Variants in MSH3 observed in about 807,000 individuals in gnomAD.
MSH3 encodes DNA mismatch repair protein Msh3.
Under a neutral mutation model 123.3 loss-of-function variants are expected in MSH3, and 106 were observed. That is an observed-to-expected ratio of 0.86 (90% CI 0.73 to 1.01). The LOEUF (loss-of-function observed/expected upper bound fraction) is 1.01. Among genes scored for constraint, MSH3 ranks in the 50% least tolerant of loss-of-function variants. The probability of loss-of-function intolerance (pLI) is 0.00; values close to 1 mark genes in which losing one functional copy is unlikely to be tolerated. For missense variants in MSH3, 1,459 were observed against 1,347.6 expected, an observed-to-expected ratio of 1.08 and a Z score of -1.29; for synonymous variants, 515 against 481.4, an observed-to-expected ratio of 1.07 and a Z score of -0.91.
chr5:80,850,222 C>T (rs140377417), intron 20 of MSH3, among the ~76,000 whole-genome samples: 238 of 152,302 alleles, frequency 1.6e-3, no homozygotes, highest in Non-Finnish European at 2.0e-3. Context: ...GCATTTTTGT[C>T]AAAGCCATTC....
Position 80,701,095 on chromosome 5 carries a change from G to A in MSH3, c.1340+22002G>A, listed in dbSNP as rs147515017. On this transcript the variant is annotated intron_variant, in intron 8 of 23. Transcript: ENST00000265081. ...TGTTATAAATGTTAATATATTAAAA[G>A]TGCTTTTAAATGATTTATTATTAGC... is the stretch of plus-strand genomic sequence containing the variant. Among the ~76,000 whole-genome samples, 419 of 152,226 alleles carry A rather than the reference G, an allele frequency of 2.8e-3. 1 individual carries two copies. Among genetic ancestry groups the A allele is most frequent in the Non-Finnish European group, 4.6e-3 (313 of 68,032 alleles).
At chr5:80,837,151 A>T (rs968594776) in intron 20 of MSH3, among the ~76,000 whole-genome samples, 1 of 152,098 alleles carries the variant, frequency 6.6e-6, no homozygotes, top group Non-Finnish European at 1.5e-5. Context: ...AATCAAAATG[A>T]CTCCATTGAT....
At chr5:80,700,196 A>G (rs904520731) in intron 8 of MSH3, among the ~76,000 whole-genome samples, 7 of 152,216 alleles carry the variant, frequency 4.6e-5, no homozygotes, top group African/African-American at 1.7e-4. Flanking sequence ...CCTGGCCAAC[A>G]TGGTGAAACC....
Position 80,769,019 on chromosome 5 carries a change from C to T in MSH3, c.2253+16C>T, listed in dbSNP as rs1744172344. Reference sequence around the variant, plus strand: ...AGGACAGGAGGTAATGTCAAGCTTACTTTTATTTTCTATTAGTTTTACTCT... The same window carrying T: ...AGGACAGGAGGTAATGTCAAGCTTATTTTTATTTTCTATTAGTTTTACTCT... On this transcript the variant is annotated intron_variant, in intron 15 of 23. Transcript: ENST00000265081. 1.9e-6 allele frequency: 3 copies of T among 1,605,502 alleles called. No individual in the cohort carries two copies. Among genetic ancestry groups the T allele is most frequent in the Admixed American group, 1.7e-5 (1 of 59,818 alleles).
chr5:80,874,391 C>G (rs1746272118), intron 23 of MSH3, among the ~76,000 whole-genome samples: 1 of 152,214 alleles, frequency 6.6e-6, no homozygotes, highest in East Asian at 1.9e-4. Flanking sequence ...TAGTGACACT[C>G]TTTTCTGGCT....
chr5:80,842,077 T>G (rs1745636393), intron 20 of MSH3, among the ~76,000 whole-genome samples: 1 of 152,214 alleles, frequency 6.6e-6, no homozygotes, highest in Non-Finnish European at 1.5e-5. Flanking sequence ...TGAGTTAATT[T>G]TTGTATAAGG....
chr5:80,706,994 C>G (rs528764970), intron 8 of MSH3, among the ~76,000 whole-genome samples: 27 of 152,280 alleles, frequency 1.8e-4, no homozygotes, highest in Non-Finnish European at 3.2e-4. Flanking sequence ...TTCATCTTCC[C>G]AAAACGTTCT....
chr5:80,856,031 C>T (rs1745913560), intron 21 of MSH3, among the ~76,000 whole-genome samples: 1 of 151,922 alleles, frequency 6.6e-6, no homozygotes, highest in Non-Finnish European at 1.5e-5. Context: ...ACTACAGGCA[C>T]ACACCAACCA....
intron 8 of MSH3, among the ~76,000 whole-genome samples, chr5:80,687,687 G>A (rs1750123813): frequency 6.6e-6 from 1 of 152,064 alleles, no homozygotes; most frequent in South Asian, 2.1e-4. Flanking sequence ...TGATTAGAGG[G>A]AACTTTCATG....
intron 2 of MSH3, among the ~76,000 whole-genome samples, chr5:80,659,259 T>A (rs1749370346): frequency 6.6e-6 from 1 of 151,246 alleles, no homozygotes; most frequent in Non-Finnish European, 1.5e-5. Flanking sequence ...GATACAGTTA[T>A]GCAATATGAT....
intron 12 of MSH3, among the ~76,000 whole-genome samples, chr5:80,749,127 G>A (rs1033425662): frequency 3.3e-5 from 5 of 152,156 alleles, no homozygotes; most frequent in Admixed American, 6.5e-5. Flanking sequence ...TAGGATAGAT[G>A]TATATAAGGA....
At chr5:80,807,966 G>A (rs1371667067) in intron 19 of MSH3, among the ~76,000 whole-genome samples, 3 of 152,040 alleles carry the variant, frequency 2.0e-5, no homozygotes, top group Non-Finnish European at 4.4e-5. Flanking sequence ...TATCAATTTT[G>A]TAATGAAATG....
chr5:80,849,457 G>T (rs1388389228), intron 20 of MSH3, among the ~76,000 whole-genome samples: 7 of 152,158 alleles, frequency 4.6e-5, no homozygotes, highest in Admixed American at 3.9e-4. Flanking sequence ...TGAGAGCTCT[G>T]CCCTGTAGCA....
intron 21 of MSH3, among the ~76,000 whole-genome samples, chr5:80,855,257 C>A (rs1745896536): frequency 1.3e-5 from 2 of 152,048 alleles, no homozygotes; most frequent in African/African-American, 4.8e-5. Context: ...TTTTCCCCCC[C>A]ATTTTCTTGC....
intron 9 of MSH3, 114 bp from the exon 10 acceptor site, chr5:80,728,737 A>G: frequency 1.6e-6 from 1 of 634,104 alleles, no homozygotes; most frequent in East Asian, 2.8e-5. Flanking sequence ...ATTAAGTTTT[A>G]CTTAAAATTT....
intron 2 of MSH3, among the ~76,000 whole-genome samples, chr5:80,660,745 T>C (rs553218525): frequency 1.3e-5 from 2 of 152,306 alleles, no homozygotes; most frequent in South Asian, 2.1e-4. Context: ...TGTTTGATTT[T>C]CTTTCTGCCC....
At chr5:80,800,389 G>A (rs1208120590) in intron 19 of MSH3, among the ~76,000 whole-genome samples, 2 of 152,124 alleles carry the variant, frequency 1.3e-5, no homozygotes, top group African/African-American at 4.8e-5. Flanking sequence ...GTGGAGAGGT[G>A]GTTATTGCCA....
At chr5:80,674,155 T>G (rs1749781234) in intron 6 of MSH3, among the ~76,000 whole-genome samples, 1 of 152,206 alleles carries the variant, frequency 6.6e-6, no homozygotes, top group African/African-American at 2.4e-5. Flanking sequence ...AGCTTGAGTC[T>G]GTTATTTGAA....
chr5:80,848,529 T>TA lies in MSH3; in HGVS notation c.2814-5600dup, dbSNP rs778197684. ...ACAAAAGAAAGAAGTTTATTGGACT[T>TA]ACAGTTCCACATGGCTGGGAAGGCC... On this transcript the variant is annotated intron_variant, in intron 20 of 23. Transcript: ENST00000265081. Among the ~76,000 whole-genome samples the TA allele has an allele frequency of 2.4e-4, 37 of 152,322 alleles. No homozygotes were observed. The East Asian group carries it at 6.6e-3, about 27-fold the overall frequency.
Sources: allele counts gnomAD v4.1 joint callset (sites outside exome capture counted in the v4.1 genomes callset), GRCh38; gene constraint gnomAD v4.1.1; transcripts MANE v1.5; gene names NCBI Gene and HGNC (gene_info 2026-07-23, HGNC 2026-07-21).